The following SYNPR variants were observed in gnomAD, a reference collection of about 807,000 sequenced individuals.
SYNPR encodes the protein synaptoporin.
In SYNPR, 23 loss-of-function variants were observed where a neutral mutation model predicts 32.9. That is an observed-to-expected ratio of 0.70 (90% CI 0.50 to 0.99). The LOEUF (loss-of-function observed/expected upper bound fraction) is 0.99. SYNPR is among the 50% of genes least tolerant of loss of function. The pLI is 0.00. For missense variants in SYNPR, 318 were observed against 349.3 expected, an observed-to-expected ratio of 0.91 and a Z score of 0.71; for synonymous variants, 146 against 135.9, an observed-to-expected ratio of 1.07 and a Z score of -0.52.
At chr3:63,543,783 C>A (rs1702348413) in intron 3 of SYNPR, among the ~76,000 whole-genome samples, 1 of 152,076 alleles carries the variant, frequency 6.6e-6, no homozygotes, top group African/African-American at 2.4e-5. Flanking sequence ...CCCTCGTCCC[C>A]TACCCTTCCT....
At chr3:63,522,788 G>A (rs538302288) in intron 3 of SYNPR, among the ~76,000 whole-genome samples, 1 of 152,146 alleles carries the variant, frequency 6.6e-6, no homozygotes. Context: ...AACATGGAAA[G>A]GGAGGCAAGG....
intron 3 of SYNPR, among the ~76,000 whole-genome samples, chr3:63,482,114 A>G (rs1051796672): frequency 5.3e-5 from 8 of 152,066 alleles, no homozygotes; most frequent in Non-Finnish European, 1.2e-4. Context: ...GTGGCGGTGG[A>G]GAGCAGGGTA....
chr3:63,304,370 G>GTA (rs1370028647), intron 2 of SYNPR, among the ~76,000 whole-genome samples: 1 of 151,764 alleles, frequency 6.6e-6, no homozygotes, highest in African/African-American at 2.4e-5. Context: ...GTGTGTGTGT[G>GTA]TGTGTGTGTG....
intron 3 of SYNPR, among the ~76,000 whole-genome samples, chr3:63,535,517 G>A (rs566548053): frequency 1.3e-5 from 2 of 152,188 alleles, no homozygotes; most frequent in African/African-American, 4.8e-5. Context: ...ATGGTGGAAT[G>A]TATTTCTCTA....
rs2086649995 is a variant in SYNPR at position 63,283,524 on chromosome 3, C to T, written c.84+4782C>T. Among the ~76,000 whole-genome samples the T allele has an allele frequency of 2.6e-5, 4 of 151,908 alleles. No individual in the cohort carries two copies. The South Asian group carries it at 8.3e-4, about 32-fold the overall frequency. ...AATAGGTCCAGCAAATCTTTTAAAC[C>T]ATCATTTGGAAATGGCAAAATGTAT... On this transcript the variant is annotated intron_variant, in intron 2 of 5. Transcript: ENST00000478300.
intron 2 of SYNPR, among the ~76,000 whole-genome samples, chr3:63,438,570 C>T (rs765085836): frequency 6.6e-6 from 1 of 152,088 alleles, no homozygotes; most frequent in Non-Finnish European, 1.5e-5. Flanking sequence ...TTATTTTTAT[C>T]TCGTTAGTAT....
chr3:63,323,938 C>G (rs560808170), intron 2 of SYNPR, among the ~76,000 whole-genome samples: 5 of 152,230 alleles, frequency 3.3e-5, no homozygotes, highest in Middle Eastern at 3.4e-3. Context: ...TGATGAATAA[C>G]TTGCCCAACT....
intron 2 of SYNPR, among the ~76,000 whole-genome samples, chr3:63,252,829 T>A (rs1164356937): frequency 6.6e-6 from 1 of 151,972 alleles, no homozygotes. Context: ...TCACCTGAGG[T>A]CAGGAGTTCA....
chr3:63,330,449 C>T (rs199558940), intron 2 of SYNPR, among the ~76,000 whole-genome samples: 1 of 120,074 alleles, frequency 8.3e-6, no homozygotes, highest in African/African-American at 3.0e-5. Flanking sequence ...TCTGTCTCCC[C>T]TCTTTTTTTT....
chr3:63,231,804 A>G (rs2086168670), intron 1 of SYNPR, among the ~76,000 whole-genome samples: 1 of 152,244 alleles, frequency 6.6e-6, no homozygotes, highest in African/African-American at 2.4e-5. Flanking sequence ...GAACAAAAGA[A>G]GAAAAAGTTC....
At chr3:63,265,639 C>T (rs976528493) in intron 2 of SYNPR, among the ~76,000 whole-genome samples, 9 of 152,122 alleles carry the variant, frequency 5.9e-5, no homozygotes, top group African/African-American at 2.2e-4. Context: ...CCTTCTTTAG[C>T]TTTAAGAAAC....
chr3:63,211,852 C>CG, the SYNPR span, among the ~76,000 whole-genome samples: 1 of 30,804 alleles, frequency 3.2e-5, no homozygotes. Context: ...AATGCTATCC[C>CG]TCCCCCCTCC....
At chr3:63,384,786 T>C (rs977453529) in intron 2 of SYNPR, among the ~76,000 whole-genome samples, 1 of 152,228 alleles carries the variant, frequency 6.6e-6, no homozygotes, top group Non-Finnish European at 1.5e-5. Flanking sequence ...ATGAGTTAGT[T>C]GTTTTTATTT....
intron 4 of SYNPR, among the ~76,000 whole-genome samples, chr3:63,603,698 T>C (rs1462630528): frequency 6.6e-6 from 1 of 152,246 alleles, no homozygotes; most frequent in Non-Finnish European, 1.5e-5. Context: ...TAAAGCCTGC[T>C]TGATCATGGT....
At chr3:63,265,241 CTTT>C (rs71126590) in intron 2 of SYNPR, among the ~76,000 whole-genome samples, 10 of 102,198 alleles carry the variant, frequency 9.8e-5, no homozygotes, top group East Asian at 8.0e-4. Flanking sequence ...TAATGACATT[CTTT>C]TTTTTTTTTT....
In SYNPR at chr3:63,353,995, G is replaced by T. The variant is rs180811705; in HGVS notation, c.84+75253G>T. Among the ~76,000 whole-genome samples, 12 of 152,272 alleles carry T rather than the reference G, an allele frequency of 7.9e-5. No individual in the cohort carries two copies. The East Asian group carries it at 2.3e-3, about 29-fold the overall frequency. On this transcript the variant is annotated intron_variant, in intron 2 of 5. Coordinates refer to ENST00000478300, the MANE Select transcript of SYNPR (RefSeq NM_001130003.2). ...GAAACACAGATTCTGAAATCTGGCT[G>T]TCTGGGTTCATATCCCAGCTCTGAC... is the stretch of plus-strand genomic sequence containing the variant.
intron 2 of SYNPR, among the ~76,000 whole-genome samples, chr3:63,324,790 G>A (rs555038885): frequency 9.2e-5 from 14 of 152,198 alleles, no homozygotes; most frequent in African/African-American, 2.9e-4. Context: ...CTGGAGCTGT[G>A]ATTACCAGAC....
intron 4 of SYNPR, among the ~76,000 whole-genome samples, chr3:63,593,244 T>C (rs1481836170): frequency 1.3e-5 from 2 of 152,180 alleles, no homozygotes; most frequent in South Asian, 2.1e-4. Context: ...TTGCTAATGT[T>C]ACTATTAACT....
chr3:63,501,494 C>CAAAAAAA (rs377290258), intron 3 of SYNPR, among the ~76,000 whole-genome samples: 27 of 96,710 alleles, frequency 2.8e-4, no homozygotes, highest in African/African-American at 7.1e-4. Flanking sequence ...CTCCCCCAAC[C>CAAAAAAA]AAAAAAAAAA....
Sources: gnomAD v4.1 joint callset for allele counts (sites outside exome capture counted in the v4.1 genomes callset) on GRCh38, gnomAD v4.1.1 for gene constraint, MANE v1.5 for transcripts, NCBI Gene and HGNC (gene_info 2026-07-23, HGNC 2026-07-21) for gene names.